Variants in BUD13 observed in about 807,000 individuals in gnomAD.
BUD13 encodes the protein BUD13 homolog.
Under a neutral mutation model 62.5 loss-of-function variants are expected in BUD13, and 47 were observed. The ratio of observed to expected loss-of-function variants is 0.75; its 90% CI spans 0.60 to 0.96. The LOEUF is 0.96. Ranked by LOEUF, BUD13 falls within the 40% of genes least tolerant of loss-of-function variation. The pLI is 0.00. For missense variants in BUD13, 821 were observed against 790.9 expected (o/e 1.04, Z -0.46); for synonymous variants, 293 against 280.1 (o/e 1.05, Z -0.46).
chr11:116,770,311 T>C, intron 1 of BUD13, 89 bp from the exon 2 acceptor site: 1 of 1,098,958 alleles, frequency 9.1e-7, no homozygotes, highest in Non-Finnish European at 1.3e-6. Context: ...AAGTTCAAAA[T>C]CCTACAGGAT....
chr11:116,761,927 G>C (rs1291069061), intron 4 of BUD13, among the ~76,000 whole-genome samples: 1 of 152,084 alleles, frequency 6.6e-6, no homozygotes, highest in Non-Finnish European at 1.5e-5. Context: ...TGAATTTCGA[G>C]GAAATCTATC....
chr11:116,763,303 T>C (rs1940473694), intron 3 of BUD13, 37 bp from the exon 4 acceptor site: 2 of 1,509,230 alleles, frequency 1.3e-6, no homozygotes, highest in East Asian at 2.3e-5. Flanking sequence ...TTCCCACAAA[T>C]GCTCTGTCCC....
chr11:116,754,747 C>T (rs1207108221), intron 9 of BUD13, among the ~76,000 whole-genome samples: 1 of 152,054 alleles, frequency 6.6e-6, no homozygotes, highest in Non-Finnish European at 1.5e-5. Flanking sequence ...GCTAATGCAA[C>T]AGGGCAAGGA....
intron 1 of BUD13, among the ~76,000 whole-genome samples, chr11:116,770,736 C>T (rs1029628215): frequency 5.9e-5 from 9 of 152,094 alleles, no homozygotes; most frequent in Non-Finnish European, 1.0e-4. Flanking sequence ...CCTCGTGATC[C>T]GCCCGCCTTG....
intron 2 of BUD13, among the ~76,000 whole-genome samples, chr11:116,766,067 A>C (rs1940525567): frequency 6.6e-6 from 1 of 152,186 alleles, no homozygotes; most frequent in Admixed American, 6.5e-5. Flanking sequence ...TTATCTTACA[A>C]CACAGTCCAC....
intron 9 of BUD13, among the ~76,000 whole-genome samples, chr11:116,749,373 G>T (rs912765816): frequency 3.3e-5 from 5 of 152,178 alleles, no homozygotes; most frequent in Non-Finnish European, 7.3e-5. Flanking sequence ...TACGCATGGG[G>T]TGTCATGGAA....
rs754863712 is a variant in BUD13 at position 116,757,915 on chromosome 11, T to A, written c.1535A>T (p.Glu512Val). 1.5e-5 allele frequency: 24 copies of A among 1,614,168 alleles called. No homozygotes were observed. The highest frequency in any genetic ancestry group is 2.0e-5 in the Non-Finnish European group (24 of 1,180,038). The change falls in exon 8 of 10, where the codon GAG (glutamate) becomes GTG (valine). Residue 512 changes from glutamate to valine, a missense_variant. Physicochemically the swap from Glu to Val is moderately radical, Grantham distance 121. This residue lies in a region of BUD13 where 800 missense variants were observed against 739.2 expected (regional missense o/e 1.08). Transcript: ENST00000260210. ...CTTTTGCATCTCTTTCATTGCATCC[T>A]CCACATTTTGTTGCTGTTGCCGGCT... ...AQSRQQQQNV[E>V]DAMKEMQKPL...
rs188944025 is a variant in BUD13 at position 116,748,900 on chromosome 11, G to A, written c.1767-325C>T. 1.3e-4 allele frequency among the ~76,000 whole-genome samples: 19 copies of A among 149,056 alleles called. No homozygotes were observed. The East Asian group carries it at 2.4e-3, about 19-fold the overall frequency. On this transcript the variant is annotated intron_variant, in intron 9 of 9. Transcript: ENST00000260210. The stretch of plus-strand genomic sequence containing the variant: ...TTCGGGAGGCTGACGCAGGAGAATC[G>A]CTTGAACCTGGACAGCAGAGGTTGC...
In BUD13 at chr11:116,758,361, A is replaced by C; in HGVS notation, c.1407T>G (p.Arg469=). 1 of 1,614,028 alleles carries C rather than the reference A, an allele frequency of 6.2e-7. No homozygotes were observed. Among genetic ancestry groups the C allele is most frequent in the African/African-American group, 1.3e-5 (1 of 74,986 alleles). ...AACGTTCGAGTTTCAAATTCCTCTT[A>C]CGACCAGACTTATCTCGAAATACGG... ...AETVFRDKSG[R]KRNLKLERLE... is the part of the protein sequence containing the mutation. Residue 469 remains arginine (R), a synonymous_variant, in exon 7 of 10, where the codon CGT becomes CGG. Coordinates refer to ENST00000260210, the MANE Select transcript of BUD13 (RefSeq NM_032725.4).
chr11:116,762,504 A>T (rs757475832), intron 4 of BUD13, 49 bp downstream of exon 4: 2 of 1,434,414 alleles, frequency 1.4e-6, no homozygotes, highest in Non-Finnish European at 1.9e-6. Context: ...GGCCAAAAGA[A>T]AGCTCCCAGG....
At position 116,748,346 on chromosome 11, in the gene BUD13, T is replaced by C. The variant is rs112101520; in HGVS notation, c.*136A>G. 4.5e-3 allele frequency: 3,198 copies of C among 709,060 alleles called. 59 individuals are homozygous for C. In the African/African-American group the frequency reaches 0.048, roughly 11 times the overall value. The allele number at this position is 709,060 out of a possible 1,614,324, so 43.9% of individuals were successfully genotyped here. ...AAACATCAGGTCTCGAATATTCTTC[T>C]GTGGTCAAAACTGGCATTCAACAAG... On this transcript the variant is annotated 3_prime_UTR_variant, in exon 10 of 10. Coordinates refer to ENST00000260210, the MANE Select transcript of BUD13 (RefSeq NM_032725.4).
chr11:116,751,543 G>C (rs1223858463), intron 9 of BUD13, among the ~76,000 whole-genome samples: 1 of 152,060 alleles, frequency 6.6e-6, no homozygotes, highest in East Asian at 1.9e-4. Flanking sequence ...CAAGAGAATT[G>C]CTTGAACCTA....
chr11:116,764,698 T>C (rs972614937), intron 3 of BUD13, among the ~76,000 whole-genome samples: 2 of 152,190 alleles, frequency 1.3e-5, no homozygotes, highest in South Asian at 2.1e-4. Flanking sequence ...TCTACAAATA[T>C]TTATTAAAGG....
chr11:116,759,537 T>C (rs1265275904), intron 5 of BUD13, among the ~76,000 whole-genome samples: 1 of 152,160 alleles, frequency 6.6e-6, no homozygotes, highest in Non-Finnish European at 1.5e-5. Flanking sequence ...TGATAAAATA[T>C]TCCATTTACA....
intron 9 of BUD13, among the ~76,000 whole-genome samples, chr11:116,748,846 T>C (rs964278970): frequency 6.6e-6 from 1 of 151,800 alleles, no homozygotes; most frequent in Non-Finnish European, 1.5e-5. Context: ...ATTAGCCAGG[T>C]GCAGTGGCAG....
rs143937440 is a variant in BUD13 at position 116,770,217 on chromosome 11, C to T, written c.149G>A (p.Arg50Gln). Residue 50 changes from arginine to glutamine, a missense_variant, in exon 2 of 10, where the codon CGG (arginine) becomes CAG (glutamine). Arg to Gln is a conservative substitution (Grantham distance 43, BLOSUM62 1). Coordinates refer to ENST00000260210, the MANE Select transcript of BUD13 (RefSeq NM_032725.4). ...CCAGCTCACATCATCATCCACAATC[C>T]GCATTCTAAATGAGAATAAGAAGAT... ...KPGGAGGKGM[R>Q]IVDDDVSWTA... 2.9e-5 allele frequency: 47 copies of T among 1,610,332 alleles called. No individual in the cohort carries two copies. Among genetic ancestry groups the T allele is most frequent in the Admixed American group, 8.4e-5 (5 of 59,314 alleles).
intron 8 of BUD13, among the ~76,000 whole-genome samples, chr11:116,757,432 A>C (rs552521159): frequency 6.6e-6 from 1 of 150,854 alleles, no homozygotes; most frequent in Admixed American, 6.6e-5. Context: ...ACTAGCCGGG[A>C]TTACAGGCGT....
At chr11:116,770,884 C>T (rs369558145) in intron 1 of BUD13, among the ~76,000 whole-genome samples, 3 of 152,224 alleles carry the variant, frequency 2.0e-5, no homozygotes, top group East Asian at 3.9e-4. Flanking sequence ...GCCTTGACTT[C>T]CCGGGGTTAA....
At chr11:116,757,537 T>G (rs1365572007) in intron 8 of BUD13, among the ~76,000 whole-genome samples, 1 of 150,964 alleles carries the variant, frequency 6.6e-6, no homozygotes, top group Non-Finnish European at 1.5e-5. Flanking sequence ...AACTCTAAGG[T>G]GATCCACCCA....
Sources: gnomAD v4.1 joint callset for allele counts (sites outside exome capture counted in the v4.1 genomes callset) on GRCh38, gnomAD v4.1.1 for gene constraint, gnomAD v4.1.1 regional missense constraint, MANE v1.5 for transcripts, NCBI Gene and HGNC (gene_info 2026-07-23, HGNC 2026-07-21) for gene names.